Variants in RALGAPA1 observed in about 807,000 individuals in gnomAD.
RALGAPA1 encodes ral GTPase-activating protein subunit alpha-1.
Under a neutral mutation model 269.6 loss-of-function variants are expected in RALGAPA1, and 52 were observed. That is an observed-to-expected ratio of 0.19 (90% CI 0.15 to 0.24). The LOEUF (loss-of-function observed/expected upper bound fraction) is 0.24, where lower values mean the gene tolerates loss of function less well. RALGAPA1 is among the 10% of genes least tolerant of loss of function. RALGAPA1 has a pLI of 1.00. For synonymous variants in RALGAPA1, 817 were observed against 1,008.3 expected (o/e 0.81, Z 3.60); for missense variants, 1,917 against 3,013.9 (o/e 0.64, Z 8.52).
At chr14:35,725,921 T>C (rs1174857638) in intron 13 of RALGAPA1, among the ~76,000 whole-genome samples, 1 of 152,218 alleles carries the variant, frequency 6.6e-6, no homozygotes, top group Non-Finnish European at 1.5e-5. Context: ...AATTCTATTA[T>C]TATCCTTACC....
intron 30 of RALGAPA1, among the ~76,000 whole-genome samples, chr14:35,654,103 G>A (rs2140038976): frequency 1.3e-5 from 2 of 152,246 alleles, no homozygotes. Flanking sequence ...CTCCCAAAGT[G>A]CCTGGATTAC....
intron 41 of RALGAPA1, chr14:35,542,015 T>C: frequency 1.6e-6 from 2 of 1,254,922 alleles, no homozygotes; most frequent in South Asian, 2.5e-5. Flanking sequence ...TAAATTCAAA[T>C]GTTATACTTA....
At chr14:35,713,645 A>C (rs2068551719) in intron 16 of RALGAPA1, among the ~76,000 whole-genome samples, 1 of 152,222 alleles carries the variant, frequency 6.6e-6, no homozygotes, top group Non-Finnish European at 1.5e-5. Context: ...TTATACCAGA[A>C]AAATCCATTA....
At chr14:35,663,329 G>A (rs1219591391) in intron 27 of RALGAPA1, among the ~76,000 whole-genome samples, 3 of 151,598 alleles carry the variant, frequency 2.0e-5, no homozygotes, top group South Asian at 2.1e-4. Flanking sequence ...TATAATAAAC[G>A]TAACAAAGAG....
intron 1 of RALGAPA1, among the ~76,000 whole-genome samples, chr14:35,801,598 G>A (rs905212575): frequency 7.9e-5 from 12 of 152,088 alleles, no homozygotes; most frequent in Non-Finnish European, 1.5e-4. Context: ...AGGATAATAA[G>A]AGAGTATAAT....
chr14:35,626,606 T>C (rs1451626825), intron 34 of RALGAPA1, among the ~76,000 whole-genome samples: 2 of 152,162 alleles, frequency 1.3e-5, no homozygotes, highest in African/African-American at 4.8e-5. Context: ...TTTAAGCCCA[T>C]TGTTCTTTTC....
intron 7 of RALGAPA1, among the ~76,000 whole-genome samples, chr14:35,753,912 C>T (rs1408943582): frequency 2.0e-5 from 3 of 152,076 alleles, no homozygotes; most frequent in Admixed American, 6.6e-5. Flanking sequence ...CAAAAGCCTT[C>T]AATGGATCCT....
chr14:35,748,812 T>C lies in RALGAPA1; in HGVS notation c.1024A>G (p.Ser342Gly). Residue 342 changes from serine (S) to glycine (G), a missense_variant, in exon 10 of 42, where the codon AGT becomes GGT. By Grantham distance (56) the Ser-to-Gly change is moderately conservative (BLOSUM62 0). This residue lies in a region of RALGAPA1 where 462 missense variants were observed against 725.6 expected (regional missense o/e 0.64). Transcript: ENST00000680220. ...LPKNIQRAAA[S>G]LVSREESKND... ...TTGCTTTCTTCTCTGGATACTAAAC[T>C]AGCAGCTGCTCTCTAAAATACAAAA... 1.9e-6 allele frequency: 3 copies of C among 1,578,210 alleles called. No homozygotes were observed. The highest frequency in any genetic ancestry group is 2.6e-6 in the Non-Finnish European group (3 of 1,168,526).
At chr14:35,775,791 T>A in intron 1 of RALGAPA1, 46 bp from the exon 2 acceptor site, 1 of 1,451,482 alleles carries the variant, frequency 6.9e-7, no homozygotes, top group Non-Finnish European at 9.1e-7. Context: ...GTATGTTAAA[T>A]CAAGTTTAGC....
intron 35 of RALGAPA1, among the ~76,000 whole-genome samples, chr14:35,619,459 A>G (rs1187558004): frequency 6.6e-6 from 1 of 152,184 alleles, no homozygotes; most frequent in Non-Finnish European, 1.5e-5. Context: ...AAGAGCAAAC[A>G]AATTCAAAAG....
chr14:35,612,400 A>G (rs2059994990), intron 35 of RALGAPA1, among the ~76,000 whole-genome samples: 1 of 150,528 alleles, frequency 6.6e-6, no homozygotes, highest in Non-Finnish European at 1.5e-5. Context: ...AAGAAGTCAG[A>G]CTCTTCCACC....
Position 35,727,310 on chromosome 14 carries a change from CATATATATAT to C in RALGAPA1, c.1736+1042_1736+1051del, listed in dbSNP as rs34288628. 4.8e-3 allele frequency among the ~76,000 whole-genome samples: 502 copies of C among 104,476 alleles called. 1 individual carries two copies. The highest frequency in any genetic ancestry group is 0.012 in the African/African-American group (295 of 25,348). The allele number at this position is 104,476 out of a possible 152,430, so 68.5% of individuals were successfully genotyped here. ...ACAGGACTGGTTAAGAAAATTATGG[CATATATATAT>C]ATATATATATATATATATATATATA... On this transcript the variant is annotated intron_variant, in intron 13 of 41. Transcript: ENST00000680220.
At chr14:35,592,493 C>T (rs934559542) in intron 37 of RALGAPA1, among the ~76,000 whole-genome samples, 9 of 152,182 alleles carry the variant, frequency 5.9e-5, no homozygotes, top group African/African-American at 2.2e-4. Context: ...TACTTCCAAA[C>T]ATTTTATAAA....
intron 1 of RALGAPA1, among the ~76,000 whole-genome samples, chr14:35,779,147 A>C (rs2075263443): frequency 6.6e-6 from 1 of 152,224 alleles, no homozygotes; most frequent in South Asian, 2.1e-4. Flanking sequence ...TCAAATATCA[A>C]AATAAAAGCA....
intron 35 of RALGAPA1, among the ~76,000 whole-genome samples, chr14:35,613,532 G>C (rs1164728220): frequency 6.6e-6 from 1 of 152,160 alleles, no homozygotes; most frequent in African/African-American, 2.4e-5. Context: ...GGCATAGACA[G>C]GGCCATGCAC....
At chr14:35,780,970 G>C (rs898810587) in intron 1 of RALGAPA1, among the ~76,000 whole-genome samples, 6 of 151,804 alleles carry the variant, frequency 4.0e-5, no homozygotes, top group Non-Finnish European at 7.4e-5. Context: ...ACATATATAC[G>C]AAAATAAAGA....
intron 1 of RALGAPA1, among the ~76,000 whole-genome samples, chr14:35,798,572 G>A (rs1046997693): frequency 6.6e-6 from 1 of 152,172 alleles, no homozygotes; most frequent in Non-Finnish European, 1.5e-5. Context: ...AATGTCACAT[G>A]TATCCCATAA....
intron 39 of RALGAPA1, among the ~76,000 whole-genome samples, chr14:35,562,737 CAT>C (rs1401445592): frequency 1.3e-5 from 2 of 151,946 alleles, no homozygotes; most frequent in African/African-American, 4.8e-5. Flanking sequence ...TAAAAGAATC[CAT>C]GGCCGGGCGT....
intron 16 of RALGAPA1, among the ~76,000 whole-genome samples, chr14:35,709,582 T>C (rs1002391153): frequency 6.6e-6 from 1 of 152,140 alleles, no homozygotes; most frequent in Non-Finnish European, 1.5e-5. Context: ...TTAATTCTTA[T>C]TATTTCTTTT....
Sources: gnomAD v4.1 joint callset for allele counts (sites outside exome capture counted in the v4.1 genomes callset) on GRCh38, gnomAD v4.1.1 for gene constraint, gnomAD v4.1.1 regional missense constraint, MANE v1.5 for transcripts, NCBI Gene and HGNC (gene_info 2026-07-23, HGNC 2026-07-21) for gene names.